The following KYNU variants were observed in gnomAD, a reference collection of about 807,000 sequenced individuals.
The protein encoded by KYNU is L-kynurenine hydrolase.
A neutral mutation model predicts 59.2 loss-of-function variants in KYNU; 54 were observed. The observed-to-expected ratio is 0.91, with a 90% CI of 0.73 to 1.14. KYNU has a LOEUF of 1.14. Ranked by LOEUF, KYNU falls within the 50% of genes most tolerant of loss-of-function variation. The probability of loss-of-function intolerance (pLI) is 0.00; values close to 1 mark genes in which losing one functional copy is unlikely to be tolerated. For missense variants in KYNU, 567 were observed against 554.4 expected, an observed-to-expected ratio of 1.02 and a Z score of -0.23; for synonymous variants, 177 against 192.0, an observed-to-expected ratio of 0.92 and a Z score of 0.65.
At chr2:142,943,430 A>G (rs3768847) in intron 4 of KYNU, among the ~76,000 whole-genome samples, 40,087 of 152,168 alleles carry the variant, frequency 0.26, 6,458 homozygotes, top group South Asian at 0.42. Context: ...AATAATAACC[A>G]TATTTATTCA....
chr2:143,021,833 G>A (rs995214397), intron 10 of KYNU, among the ~76,000 whole-genome samples: 1 of 151,994 alleles, frequency 6.6e-6, no homozygotes, highest in African/African-American at 2.4e-5. Flanking sequence ...TATCAACTGA[G>A]ATCATATTAA....
At position 143,042,468 on chromosome 2, in the gene KYNU, T is replaced by A. The variant is rs892215222; in HGVS notation, c.*296T>A. The stretch of plus-strand genomic sequence containing the variant: ...TGGTCATTGAAATGTTTTATGTTGG[T>A]TTAATTTCTGATTTAACTGACAACT... On this transcript the variant is annotated 3_prime_UTR_variant, in exon 14 of 14. Transcript: ENST00000264170. The A allele has an allele frequency of 4.5e-6, 1 of 221,920 alleles. No individual in the cohort carries two copies. The highest frequency in any genetic ancestry group is 2.3e-5 in the African/African-American group (1 of 43,000). 13.7% of individuals were successfully genotyped at this position (221,920 alleles called of 1,614,324 possible). A position where few individuals can be genotyped will look rare whatever the true frequency, so the allele number is the denominator to read the frequency against.
At chr2:142,989,838 C>A (rs900842833) in intron 10 of KYNU, 1 of 151,806 alleles carries the variant, frequency 6.6e-6, no homozygotes, top group African/African-American at 2.4e-5. Flanking sequence ...TATAACATTG[C>A]ATTTTAGAAG....
intron 2 of KYNU, among the ~76,000 whole-genome samples, chr2:142,912,960 C>T (rs1682544301): frequency 6.6e-6 from 1 of 151,970 alleles, no homozygotes; most frequent in African/African-American, 2.4e-5. Flanking sequence ...GATCCATCCA[C>T]CTCAGCTCCC....
intron 2 of KYNU, 84 bp downstream of exon 2, chr2:142,885,620 ATTG>A: frequency 8.3e-7 from 1 of 1,208,138 alleles, no homozygotes; most frequent in Admixed American, 2.0e-5. Flanking sequence ...TTTGAAAATC[ATTG>A]TTGTATTACA....
chr2:142,943,412 G>A (rs1342351299), intron 4 of KYNU, among the ~76,000 whole-genome samples: 1 of 145,412 alleles, frequency 6.9e-6, no homozygotes, highest in Non-Finnish European at 1.5e-5. Context: ...GGATAGAGAA[G>A]AGAAAGAAAT....
At chr2:142,909,077 C>G (rs1331941246) in intron 2 of KYNU, among the ~76,000 whole-genome samples, 1 of 151,882 alleles carries the variant, frequency 6.6e-6, no homozygotes, top group East Asian at 1.9e-4. Context: ...CTATCTGGTA[C>G]TTGTATCTAA....
intron 2 of KYNU, among the ~76,000 whole-genome samples, chr2:142,888,952 A>G (rs1021205668): frequency 4.6e-5 from 7 of 150,968 alleles, no homozygotes; most frequent in African/African-American, 1.7e-4. Context: ...GGCTGTGAAG[A>G]TAAGGGTGTG....
At chr2:142,916,326 A>G (rs774646252) in intron 2 of KYNU, among the ~76,000 whole-genome samples, 14 of 152,152 alleles carry the variant, frequency 9.2e-5, no homozygotes, top group Non-Finnish European at 1.5e-4. Flanking sequence ...AGGCTCAAAA[A>G]TCTCTGCCTT....
intron 2 of KYNU, among the ~76,000 whole-genome samples, chr2:142,912,035 T>C (rs1682495960): frequency 6.6e-6 from 1 of 152,082 alleles, no homozygotes; most frequent in Non-Finnish European, 1.5e-5. Flanking sequence ...CTTTGGCAGA[T>C]TTTGGTATCG....
chr2:143,043,793 A>G lies in KYNU; in HGVS notation c.*1621A>G, dbSNP rs1306027284. The G allele has an allele frequency of 2.0e-5, 3 of 147,030 alleles. No homozygotes were observed. The highest frequency in any genetic ancestry group is 6.9e-5 in the Admixed American group (1 of 14,578). 9.1% of individuals were successfully genotyped at this position (147,030 alleles called of 1,614,324 possible). On this transcript the variant is annotated 3_prime_UTR_variant, in exon 14 of 14. Coordinates refer to ENST00000264170, the MANE Select transcript of KYNU (RefSeq NM_003937.3). ...TATATTTATATATTTATATTTTAATATATTTATATAAATATATATAAAGTA... is the reference window on the plus strand; with the variant it reads ...TATATTTATATATTTATATTTTAATGTATTTATATAAATATATATAAAGTA...
chr2:142,908,549 A>G (rs1682374109), intron 2 of KYNU, among the ~76,000 whole-genome samples: 1 of 152,068 alleles, frequency 6.6e-6, no homozygotes. Flanking sequence ...AAAAATTTAG[A>G]GTTTTTGACT....
intron 10 of KYNU, chr2:142,988,903 A>G: frequency 6.2e-7 from 1 of 1,604,888 alleles, no homozygotes. Flanking sequence ...GTCAAGGACA[A>G]GGTATTTTCC....
intron 8 of KYNU, among the ~76,000 whole-genome samples, chr2:142,967,698 AT>A (rs1313930541): frequency 6.6e-6 from 1 of 152,140 alleles, no homozygotes; most frequent in Non-Finnish European, 1.5e-5. Context: ...TTTAAAAACA[AT>A]TTTGAGTTTA....
At chr2:142,947,443 T>C (rs1010902493) in intron 4 of KYNU, 4 of 470,410 alleles carry the variant, frequency 8.5e-6, no homozygotes, top group Admixed American at 6.8e-5. Context: ...TGGATATTGC[T>C]GTTTCTTTAA....
intron 4 of KYNU, among the ~76,000 whole-genome samples, chr2:142,950,660 G>A (rs754875798): frequency 3.3e-5 from 5 of 152,138 alleles, no homozygotes; most frequent in Non-Finnish European, 7.4e-5. Flanking sequence ...ATTTGAGTGG[G>A]GACACAGCCA....
rs1687214595 is a variant in KYNU at position 143,048,919 on chromosome 2, C to T, written c.*6747C>T. The T allele has an allele frequency of 6.6e-6, 1 of 152,138 alleles. No homozygotes were observed. The highest frequency in any genetic ancestry group is 6.6e-5 in the Admixed American group (1 of 15,258). The allele number at this position is 152,138 out of a possible 1,614,324, so 9.4% of individuals were successfully genotyped here. A position where few individuals can be genotyped will look rare whatever the true frequency, so the allele number is the denominator to read the frequency against. ...TTAGTGGGAATGTAAATTAGTTCAA[C>T]CATTGCTCTTAAGGGCTCTTTGTCT... On this transcript the variant is annotated 3_prime_UTR_variant, in exon 14 of 14. Transcript: ENST00000264170.
intron 8 of KYNU, chr2:142,971,148 A>G (rs911441614): frequency 6.6e-5 from 10 of 152,178 alleles, no homozygotes; most frequent in Admixed American, 5.2e-4. Flanking sequence ...AAGTTTGACA[A>G]CAATGGACCT....
chr2:142,982,560 ACCT>A (rs1282787331), intron 8 of KYNU, among the ~76,000 whole-genome samples: 3 of 152,030 alleles, frequency 2.0e-5, no homozygotes, highest in Non-Finnish European at 4.4e-5. Flanking sequence ...AACACTTAAA[ACCT>A]CATGACAAGT....
Sources: allele counts gnomAD v4.1 joint callset (sites outside exome capture counted in the v4.1 genomes callset), GRCh38; gene constraint gnomAD v4.1.1; transcripts MANE v1.5; gene names NCBI Gene and HGNC (gene_info 2026-07-23, HGNC 2026-07-21).